The following MAGI2 variants were observed in gnomAD, a reference collection of about 807,000 sequenced individuals.
The protein encoded by MAGI2 is membrane-associated guanylate kinase, WW and PDZ domain-containing protein 2.
MAGI2 carries 35 observed loss-of-function variants against 133.3 expected under a neutral mutation model. The ratio of observed to expected loss-of-function variants is 0.26; its 90% confidence interval spans 0.20 to 0.35. MAGI2 has a LOEUF of 0.35. Ranked by LOEUF, MAGI2 falls within the 10% of genes least tolerant of loss-of-function variation. The pLI is 1.00. For missense variants in MAGI2, 1,636 were observed against 1,863.4 expected, an observed-to-expected ratio of 0.88 and a Z score of 2.25; for synonymous variants, 729 against 710.6, an observed-to-expected ratio of 1.03 and a Z score of -0.41.
intron 1 of MAGI2, among the ~76,000 whole-genome samples, chr7:79,402,013 G>T (rs890013874): frequency 6.6e-6 from 1 of 152,022 alleles, no homozygotes; most frequent in East Asian, 1.9e-4. Flanking sequence ...TAATATTCAT[G>T]GTTGCAAATA....
At chr7:79,188,874 G>A (rs948606892) in intron 1 of MAGI2, among the ~76,000 whole-genome samples, 4 of 151,778 alleles carry the variant, frequency 2.6e-5, no homozygotes, top group Admixed American at 1.3e-4. Context: ...ATTTCCATAT[G>A]CGTGTATATT....
chr7:79,304,172 T>G (rs1387027939), intron 1 of MAGI2, among the ~76,000 whole-genome samples: 2 of 150,820 alleles, frequency 1.3e-5, no homozygotes, highest in African/African-American at 4.9e-5. Context: ...GTGCCAATTT[T>G]CAACTGGGAT....
chr7:79,184,838 T>C (rs1193469141), intron 1 of MAGI2, among the ~76,000 whole-genome samples: 1 of 151,570 alleles, frequency 6.6e-6, no homozygotes, highest in Non-Finnish European at 1.5e-5. Context: ...TTTAAAAAAA[T>C]AAAAAATAAA....
At chr7:79,205,838 T>C (rs1272945860) in intron 1 of MAGI2, among the ~76,000 whole-genome samples, 1 of 151,540 alleles carries the variant, frequency 6.6e-6, no homozygotes, top group African/African-American at 2.4e-5. Flanking sequence ...GATGATTTTG[T>C]AAGCTTCATA....
intron 1 of MAGI2, among the ~76,000 whole-genome samples, chr7:79,257,324 C>T (rs922656130): frequency 3.3e-5 from 5 of 152,034 alleles, no homozygotes; most frequent in African/African-American, 1.2e-4. Flanking sequence ...CAAATCACCT[C>T]ACAGATATCT....
intron 1 of MAGI2, among the ~76,000 whole-genome samples, chr7:79,038,351 T>C (rs1208598474): frequency 6.6e-6 from 1 of 152,138 alleles, no homozygotes; most frequent in Admixed American, 6.5e-5. Context: ...TTTTTTATTA[T>C]GATGAGCTCA....
At chr7:79,126,454 C>G (rs993938996) in intron 1 of MAGI2, among the ~76,000 whole-genome samples, 1 of 151,958 alleles carries the variant, frequency 6.6e-6, no homozygotes, top group African/African-American at 2.4e-5. Flanking sequence ...CTCATTTACG[C>G]TAATGGAGGC....
intron 2 of MAGI2, among the ~76,000 whole-genome samples, chr7:78,879,511 A>T (rs1795679640): frequency 6.6e-6 from 1 of 152,030 alleles, no homozygotes; most frequent in Non-Finnish European, 1.5e-5. Context: ...CTCTACAGGC[A>T]CTCAATTAGG....
intron 2 of MAGI2, among the ~76,000 whole-genome samples, chr7:78,676,330 C>A (rs1815019606): frequency 6.6e-6 from 1 of 152,100 alleles, no homozygotes; most frequent in African/African-American, 2.4e-5. Context: ...AAGACAAGAA[C>A]AAGTAAGAAT....
chr7:78,123,448 A>C (rs1478926530), intron 20 of MAGI2, among the ~76,000 whole-genome samples: 1 of 152,238 alleles, frequency 6.6e-6, no homozygotes, highest in African/African-American at 2.4e-5. Context: ...AAAACAATAA[A>C]AAAAGAACAA....
intron 3 of MAGI2, among the ~76,000 whole-genome samples, chr7:78,543,029 C>T (rs969952577): frequency 6.6e-6 from 1 of 152,130 alleles, no homozygotes; most frequent in African/African-American, 2.4e-5. Flanking sequence ...AAAATGATTT[C>T]CTAAGCCCAA....
rs958551720 is a variant in MAGI2 at position 79,213,523 on chromosome 7, C to A, written c.302-206317G>T. Among the ~76,000 whole-genome samples the A allele has an allele frequency of 4.6e-5, 7 of 151,930 alleles. 1 individual carries two copies. The highest frequency in any genetic ancestry group is 1.7e-4 in the African/African-American group (7 of 41,282). ...CTTTATTGCTGAGGATACATTTTGC[C>A]CATTTTAAGACTTTTTGGTGGTTAA... is the stretch of plus-strand genomic sequence containing the variant. On this transcript the variant is annotated intron_variant, in intron 1 of 21. Coordinates refer to ENST00000354212, the MANE Select transcript of MAGI2 (RefSeq NM_012301.4).
intron 3 of MAGI2, among the ~76,000 whole-genome samples, chr7:78,581,039 A>G (rs1802783430): frequency 1.3e-5 from 2 of 152,196 alleles, no homozygotes; most frequent in Non-Finnish European, 2.9e-5. Flanking sequence ...GTGACTAGGG[A>G]TGCATAATTT....
chr7:78,556,306 G>T (rs1799817591), intron 3 of MAGI2, among the ~76,000 whole-genome samples: 1 of 152,128 alleles, frequency 6.6e-6, no homozygotes, highest in Admixed American at 6.5e-5. Flanking sequence ...CTTTGCCCAG[G>T]GCCATGTGCA....
intron 2 of MAGI2, among the ~76,000 whole-genome samples, chr7:78,801,316 A>G (rs896505484): frequency 8.5e-5 from 13 of 152,170 alleles, no homozygotes; most frequent in Non-Finnish European, 1.5e-4. Flanking sequence ...GCATATCAGC[A>G]CTGTTAGATT....
chr7:79,416,487 A>T (rs1379669402), intron 1 of MAGI2, among the ~76,000 whole-genome samples: 1 of 152,000 alleles, frequency 6.6e-6, no homozygotes, highest in Non-Finnish European at 1.5e-5. Flanking sequence ...AATTACTAGT[A>T]ATTTTTAGGT....
chr7:79,171,770 A>ATTTTTTTTTTTT lies in MAGI2; in HGVS notation c.302-164576_302-164565dup, dbSNP rs144599296. On this transcript the variant is annotated intron_variant, in intron 1 of 21. Transcript: ENST00000354212. ...TATATATATATATATATATATATAT[A>ATTTTTTTTTTTT]TTTTTTTTTTTTTTTTCTTTTAAAG... 7.7e-4 allele frequency among the ~76,000 whole-genome samples: 24 copies of ATTTTTTTTTTTT among 31,218 alleles called. 1 individual carries two copies. The highest frequency in any genetic ancestry group is 1.0e-3 in the African/African-American group (16 of 15,444). 20.5% of individuals were successfully genotyped at this position (31,218 alleles called of 152,430 possible).
intron 1 of MAGI2, among the ~76,000 whole-genome samples, chr7:79,216,726 TAC>T (rs1209410923): frequency 6.6e-6 from 1 of 152,054 alleles, no homozygotes; most frequent in African/African-American, 2.4e-5. Context: ...CATATGCATA[TAC>T]ACACATTAAT....
chr7:79,079,489 C>T (rs1815841791), intron 1 of MAGI2, among the ~76,000 whole-genome samples: 1 of 152,082 alleles, frequency 6.6e-6, no homozygotes, highest in Non-Finnish European at 1.5e-5. Flanking sequence ...GCCTTAAAAA[C>T]AGAAAATTTG....
Sources: gnomAD v4.1 joint callset for allele counts (sites outside exome capture counted in the v4.1 genomes callset) on GRCh38, gnomAD v4.1.1 for gene constraint, MANE v1.5 for transcripts, NCBI Gene and HGNC (gene_info 2026-07-23, HGNC 2026-07-21) for gene names.